The following TSNAX variants were observed in gnomAD, a reference collection of about 807,000 sequenced individuals.
TSNAX encodes translin associated factor X.
A neutral mutation model predicts 33.0 loss-of-function variants in TSNAX; 12 were observed. The ratio of observed to expected loss-of-function variants is 0.36; its 90% CI spans 0.23 to 0.59. The LOEUF (loss-of-function observed/expected upper bound fraction) is 0.59. Among genes scored for constraint, TSNAX ranks in the 20% least tolerant of loss-of-function variants. The pLI is 0.74. For missense variants in TSNAX, 267 were observed against 341.3 expected (o/e 0.78, Z 1.72); for synonymous variants, 110 against 117.2 (o/e 0.94, Z 0.40).
At chr1:231,559,693 T>C (rs1171459387) in intron 4 of TSNAX, among the ~76,000 whole-genome samples, 1 of 152,138 alleles carries the variant, frequency 6.6e-6, no homozygotes, top group Non-Finnish European at 1.5e-5. Flanking sequence ...AAAATTGCAC[T>C]TGTGCCCTTT....
At chr1:231,562,370 G>A (rs202054451) in intron 5 of TSNAX, among the ~76,000 whole-genome samples, 33 of 151,760 alleles carry the variant, frequency 2.2e-4, no homozygotes, top group Admixed American at 4.6e-4. Context: ...GACTAATTTG[G>A]CATGACAGGT....
intron 3 of TSNAX, among the ~76,000 whole-genome samples, chr1:231,538,933 A>G: frequency 7.0e-6 from 1 of 143,576 alleles, no homozygotes; most frequent in East Asian, 2.0e-4. Context: ...CCCTGTCTCA[A>G]AAAAAAAAAA....
chr1:231,530,132 A>C (rs1168543974), intron 2 of TSNAX, among the ~76,000 whole-genome samples: 1 of 152,212 alleles, frequency 6.6e-6, no homozygotes, highest in African/African-American at 2.4e-5. Flanking sequence ...AGAGAGAGAG[A>C]GTGCAAGAGA....
intron 2 of TSNAX, 107 bp from the exon 3 acceptor site, chr1:231,537,106 C>G (rs1250858171): frequency 1.4e-6 from 1 of 704,454 alleles, no homozygotes; most frequent in African/African-American, 1.9e-5. Flanking sequence ...GCTGAGATTA[C>G]AGGCGTGAGC....
intron 4 of TSNAX, among the ~76,000 whole-genome samples, chr1:231,552,778 A>G (rs1181613130): frequency 6.6e-6 from 1 of 152,192 alleles, no homozygotes. Flanking sequence ...GCCCCTGGTC[A>G]CCACTAATCT....
intron 4 of TSNAX, 47 bp downstream of exon 4, chr1:231,542,658 C>T (rs1659654126): frequency 6.4e-7 from 1 of 1,571,326 alleles, no homozygotes; most frequent in Non-Finnish European, 8.7e-7. Flanking sequence ...AAATGGTGTG[C>T]TACATGATTA....
intron 2 of TSNAX, among the ~76,000 whole-genome samples, chr1:231,533,120 G>T (rs1466657583): frequency 6.7e-6 from 1 of 148,478 alleles, no homozygotes; most frequent in Non-Finnish European, 1.5e-5. Flanking sequence ...AGACTGGCGT[G>T]CAGTGGTGCA....
chr1:231,547,454 G>C (rs1381491283), intron 4 of TSNAX, among the ~76,000 whole-genome samples: 1 of 138,624 alleles, frequency 7.2e-6, no homozygotes, highest in African/African-American at 2.7e-5. Flanking sequence ...GCAGTGGCGT[G>C]ATCTCGGCTC....
chr1:231,547,131 A>T lies in TSNAX; in HGVS notation c.367+4520A>T, dbSNP rs138254747. ...GTATATGTCTGTTGATTGATTTAAC[A>T]TTTTTTTCTGAATAGATTTTTCTTT... On this transcript the variant is annotated intron_variant, in intron 4 of 5. Coordinates refer to ENST00000366639, the MANE Select transcript of TSNAX (RefSeq NM_005999.3). Among the ~76,000 whole-genome samples, 30 of 152,114 alleles carry T rather than the reference A, an allele frequency of 2.0e-4. No homozygotes were observed. The East Asian group carries it at 5.0e-3, about 25-fold the overall frequency.
At chr1:231,537,098 T>G in intron 2 of TSNAX, 115 bp from the exon 3 acceptor site, 1 of 662,672 alleles carries the variant, frequency 1.5e-6, no homozygotes, top group South Asian at 2.0e-5. Flanking sequence ...CCCAAAGTGC[T>G]GAGATTACAG....
intron 4 of TSNAX, among the ~76,000 whole-genome samples, chr1:231,550,760 A>G (rs1372415806): frequency 1.3e-5 from 2 of 152,160 alleles, no homozygotes; most frequent in Non-Finnish European, 2.9e-5. Context: ...GACTAAAGGA[A>G]TGGTTGGGGG....
At chr1:231,538,529 A>G (rs1659342662) in intron 3 of TSNAX, among the ~76,000 whole-genome samples, 1 of 152,198 alleles carries the variant, frequency 6.6e-6, no homozygotes, top group Non-Finnish European at 1.5e-5. Flanking sequence ...GAGGTAGAAT[A>G]GTATCTACCC....
At chr1:231,553,811 C>G (rs1055099264) in intron 4 of TSNAX, among the ~76,000 whole-genome samples, 1 of 151,852 alleles carries the variant, frequency 6.6e-6, no homozygotes, top group Admixed American at 6.6e-5. Flanking sequence ...CTCAGCCTCC[C>G]GAGTAGCTGG....
At chr1:231,549,831 A>G (rs1264696847) in intron 4 of TSNAX, among the ~76,000 whole-genome samples, 3 of 152,194 alleles carry the variant, frequency 2.0e-5, no homozygotes, top group African/African-American at 4.8e-5. Context: ...CCAAGATACT[A>G]TATTAGTTTA....
chr1:231,538,142 CTT>C (rs1377196335), intron 3 of TSNAX, among the ~76,000 whole-genome samples: 1 of 152,034 alleles, frequency 6.6e-6, no homozygotes, highest in African/African-American at 2.4e-5. Flanking sequence ...AGTTTTGTGA[CTT>C]TTGTTTACAT....
Position 231,542,491 on chromosome 1 carries a change from A to G in TSNAX, c.247A>G (p.Met83Val). ...ATATCTTGATCATAGTGCTCCTGATATGGAAGATATATTGACTGAATCAGA... is the reference window on the plus strand; with the variant it reads ...ATATCTTGATCATAGTGCTCCTGATGTGGAAGATATATTGACTGAATCAGA... ...LLHRITSAPD[M>V]EDILTESEIK... Residue 83 changes from methionine (M) to valine (V), a missense_variant, in exon 4 of 6, where the codon ATG becomes GTG. Physicochemically the swap from Met to Val is conservative, Grantham distance 21. Transcript: ENST00000366639. 6.2e-7 allele frequency: 1 copy of G among 1,613,866 alleles called. No homozygotes were observed. Among genetic ancestry groups the G allele is most frequent in the Middle Eastern group, 1.7e-4 (1 of 6,058 alleles).
At chr1:231,543,627 T>G (rs1659717771) in intron 4 of TSNAX, among the ~76,000 whole-genome samples, 1 of 152,140 alleles carries the variant, frequency 6.6e-6, no homozygotes, top group African/African-American at 2.4e-5. Flanking sequence ...GAATACCCAG[T>G]TTTAGCCTAA....
chr1:231,532,180 ACACAC>A (rs1658793839), intron 2 of TSNAX, among the ~76,000 whole-genome samples: 1 of 95,994 alleles, frequency 1.0e-5, no homozygotes, highest in Non-Finnish European at 2.4e-5. Flanking sequence ...ACACACACAC[ACACAC>A]AGTTTTGGTT....
intron 4 of TSNAX, among the ~76,000 whole-genome samples, chr1:231,547,372 CTTTTTCTTTTT>C (rs1421911345): frequency 6.7e-4 from 89 of 132,748 alleles, no homozygotes; most frequent in South Asian, 2.9e-3. Context: ...AAGCTAAAGG[CTTTTTCTTTTT>C]TTTTTCTTTT....
Sources: gnomAD v4.1 joint callset for allele counts (sites outside exome capture counted in the v4.1 genomes callset) on GRCh38, gnomAD v4.1.1 for gene constraint, MANE v1.5 for transcripts, NCBI Gene and HGNC (gene_info 2026-07-23, HGNC 2026-07-21) for gene names.